Variants in DAB1 observed in about 807,000 individuals in gnomAD.
The protein encoded by DAB1 is DAB adaptor protein 1.
In DAB1, 15 loss-of-function variants were observed where a neutral mutation model predicts 64.6. The ratio of observed to expected loss-of-function variants is 0.23; its 90% CI spans 0.16 to 0.36. The LOEUF (loss-of-function observed/expected upper bound fraction) is 0.36. Ranked by LOEUF, DAB1 falls within the 10% of genes least tolerant of loss-of-function variation. DAB1 has a pLI of 1.00. For synonymous variants in DAB1, 235 were observed against 251.9 expected, an observed-to-expected ratio of 0.93 and a Z score of 0.64; for missense variants, 596 against 706.7, an observed-to-expected ratio of 0.84 and a Z score of 1.78.
intron 5 of DAB1, among the ~76,000 whole-genome samples, chr1:57,992,156 G>C (rs10789056): frequency 1.3e-5 from 2 of 152,188 alleles, no homozygotes; most frequent in African/African-American, 4.8e-5. Flanking sequence ...ATGATTCCAC[G>C]TACATACAGT....
chr1:57,993,250 C>A (rs1646374867), intron 5 of DAB1, among the ~76,000 whole-genome samples: 1 of 152,036 alleles, frequency 6.6e-6, no homozygotes, highest in Non-Finnish European at 1.5e-5. Context: ...TCTCTGACCA[C>A]TCTCTCAGAT....
chr1:58,182,509 A>G (rs1656849124), intron 4 of DAB1, among the ~76,000 whole-genome samples: 1 of 151,866 alleles, frequency 6.6e-6, no homozygotes, highest in Admixed American at 6.6e-5. Context: ...CCAATTGGAT[A>G]AGTCCTATTT....
chr1:56,997,908 G>A lies in DAB1; in HGVS notation c.*236C>T, dbSNP rs1166367993. On this transcript the variant is annotated 3_prime_UTR_variant, in exon 15 of 15. Coordinates refer to ENST00000371236, the MANE Select transcript of DAB1 (RefSeq NM_001365792.1). ...GTGGATCTTTCTATACTTTTTTTGT[G>A]TGCTGCCATAGATATCTGCCATTGG... 6.6e-6 allele frequency: 1 copy of A among 152,248 alleles called. No homozygotes were observed. The highest frequency in any genetic ancestry group is 6.6e-5 in the Admixed American group (1 of 15,256). 9.4% of individuals were successfully genotyped at this position (152,248 alleles called of 1,614,324 possible).
intron 6 of DAB1, among the ~76,000 whole-genome samples, chr1:57,724,360 G>C (rs2101763535): frequency 7.5e-6 from 1 of 132,934 alleles, no homozygotes; most frequent in African/African-American, 2.7e-5. Context: ...GGAAGGGAGG[G>C]AAGGGAGGGA....
chr1:58,457,666 T>A (rs1237866168), intron 3 of DAB1, among the ~76,000 whole-genome samples: 1 of 152,158 alleles, frequency 6.6e-6, no homozygotes, highest in Non-Finnish European at 1.5e-5. Flanking sequence ...AATTAAACCG[T>A]CTCTGTTACA....
At chr1:57,174,924 GT>G (rs1662140980) in intron 2 of DAB1, among the ~76,000 whole-genome samples, 1 of 152,130 alleles carries the variant, frequency 6.6e-6, no homozygotes, top group African/African-American at 2.4e-5. Flanking sequence ...AATAAAGGAA[GT>G]TATTTCTATG....
At chr1:58,352,699 CACTCCCAA>C (rs1355724713) in intron 3 of DAB1, among the ~76,000 whole-genome samples, 4 of 152,154 alleles carry the variant, frequency 2.6e-5, no homozygotes, top group Non-Finnish European at 5.9e-5. Context: ...AATGTTTGTG[CACTCCCAA>C]AATTCATATG....
intron 6 of DAB1, among the ~76,000 whole-genome samples, chr1:57,695,567 T>C (rs72912418): frequency 0.013 from 1,961 of 152,268 alleles, 38 homozygotes; most frequent in African/African-American, 0.045. Context: ...TGTTGGAATG[T>C]GTTGCCTTGG....
At chr1:57,078,071 C>T (rs1049546254) in intron 4 of DAB1, among the ~76,000 whole-genome samples, 12 of 152,178 alleles carry the variant, frequency 7.9e-5, no homozygotes, top group African/African-American at 2.2e-4. Flanking sequence ...TTTCTCTTTT[C>T]TAACATATTT....
intron 6 of DAB1, among the ~76,000 whole-genome samples, chr1:57,808,409 C>A (rs1384942105): frequency 1.3e-5 from 2 of 152,150 alleles, no homozygotes; most frequent in Non-Finnish European, 2.9e-5. Flanking sequence ...TAGCTTCCTC[C>A]ACCAGAGAGA....
Position 57,318,267 on chromosome 1 carries a change from C to A in DAB1, c.-136-27101G>T, listed in dbSNP as rs1429633951. ...GAACTGAATGGTAGCTCCAAACCAA[C>A]CACACAATTCAGGTTTGGTAAAGAA... On this transcript the variant is annotated intron_variant, in intron 1 of 14. Coordinates refer to ENST00000371236, the MANE Select transcript of DAB1 (RefSeq NM_001365792.1). Among the ~76,000 whole-genome samples, 3 of 151,782 alleles carry A rather than the reference C, an allele frequency of 2.0e-5. No homozygotes were observed. The South Asian group carries it at 6.2e-4, about 31-fold the overall frequency.
intron 6 of DAB1, among the ~76,000 whole-genome samples, chr1:57,695,378 AAG>A (rs1389425994): frequency 4.4e-5 from 3 of 68,336 alleles, no homozygotes; most frequent in Non-Finnish European, 8.4e-5. Flanking sequence ...GAAAGAAAGA[AAG>A]AAAGAAAGAA....
At chr1:58,304,977 A>G (rs1333234991) in intron 4 of DAB1, among the ~76,000 whole-genome samples, 1 of 151,976 alleles carries the variant, frequency 6.6e-6, no homozygotes, top group East Asian at 1.9e-4. Context: ...TTTAATTTTT[A>G]ATTTTAATTT....
chr1:58,324,544 A>G (rs183933327), intron 4 of DAB1, among the ~76,000 whole-genome samples: 1 of 152,182 alleles, frequency 6.6e-6, no homozygotes, highest in East Asian at 1.9e-4. Flanking sequence ...TTGAGCAAGC[A>G]TAATTTAAAT....
intron 7 of DAB1, among the ~76,000 whole-genome samples, chr1:57,447,446 A>C (rs912221773): frequency 8.5e-5 from 13 of 152,234 alleles, no homozygotes; most frequent in Non-Finnish European, 1.3e-4. Context: ...GCTACTGCCC[A>C]CATGAGATAG....
chr1:57,231,769 T>A (rs1379302772), intron 2 of DAB1, among the ~76,000 whole-genome samples: 1 of 152,232 alleles, frequency 6.6e-6, no homozygotes, highest in Non-Finnish European at 1.5e-5. Context: ...TCTCTACTAA[T>A]CTGTGTCACC....
intron 6 of DAB1, among the ~76,000 whole-genome samples, chr1:57,800,435 C>T (rs1018917248): frequency 1.3e-5 from 2 of 152,170 alleles, no homozygotes; most frequent in Non-Finnish European, 2.9e-5. Flanking sequence ...TTAGTTAAAA[C>T]TCAGTTTCAC....
At chr1:58,481,859 G>A (rs1449271709) in intron 3 of DAB1, among the ~76,000 whole-genome samples, 6 of 152,100 alleles carry the variant, frequency 3.9e-5, no homozygotes, top group African/African-American at 7.2e-5. Context: ...CTCCTCATTC[G>A]CCTTCCACCA....
intron 1 of DAB1, among the ~76,000 whole-genome samples, chr1:57,330,479 A>C (rs373211898): frequency 6.6e-6 from 1 of 152,122 alleles, no homozygotes; most frequent in South Asian, 2.1e-4. Flanking sequence ...CTTTAATCTT[A>C]CTGAGCCTCG....
Sources: allele counts gnomAD v4.1 joint callset (sites outside exome capture counted in the v4.1 genomes callset), GRCh38; gene constraint gnomAD v4.1.1; transcripts MANE v1.5; gene names NCBI Gene and HGNC (gene_info 2026-07-23, HGNC 2026-07-21).